ELAVL4: variants seen among roughly 807,000 people sequenced by gnomAD.
ELAVL4 encodes ELAV like RNA binding protein 4, also known as ELAV-like protein 4.
In ELAVL4, 1 loss-of-function variant was observed where a neutral mutation model predicts 35.6. That is an observed-to-expected ratio of 0.03 (90% CI 0.01 to 0.13). The LOEUF (loss-of-function observed/expected upper bound fraction) is 0.13, where lower values mean the gene tolerates loss of function less well. Among genes scored for constraint, ELAVL4 ranks in the 10% least tolerant of loss-of-function variants. ELAVL4 has a pLI of 1.00. For synonymous variants in ELAVL4, 156 were observed against 171.0 expected (o/e 0.91, Z 0.69); for missense variants, 267 against 464.9 (o/e 0.57, Z 3.91).
intron 1 of ELAVL4, among the ~76,000 whole-genome samples, chr1:50,128,221 C>G (rs1420872014): frequency 6.6e-6 from 1 of 151,970 alleles, no homozygotes; most frequent in Non-Finnish European, 1.5e-5. Flanking sequence ...AATGGAAGGC[C>G]CTAGGTTTTG....
At chr1:50,067,166 G>T (rs1214016406) in intron 1 of ELAVL4, among the ~76,000 whole-genome samples, 1 of 152,180 alleles carries the variant, frequency 6.6e-6, no homozygotes, top group Non-Finnish European at 1.5e-5. Flanking sequence ...TTGATGGATT[G>T]TAGGAGGTGG....
At chr1:50,140,374 A>G (rs1031752863) in intron 1 of ELAVL4, among the ~76,000 whole-genome samples, 12 of 152,218 alleles carry the variant, frequency 7.9e-5, no homozygotes, top group African/African-American at 2.9e-4. Flanking sequence ...GCTTTCTACC[A>G]ACACACATCT....
chr1:50,127,804 C>T (rs1670196459), intron 1 of ELAVL4, among the ~76,000 whole-genome samples: 1 of 152,132 alleles, frequency 6.6e-6, no homozygotes, highest in African/African-American at 2.4e-5. Flanking sequence ...CCTGGGCAGT[C>T]AAGCTCTAGT....
At chr1:50,155,934 CGA>C (rs765509223) in intron 2 of ELAVL4, among the ~76,000 whole-genome samples, 1 of 152,098 alleles carries the variant, frequency 6.6e-6, no homozygotes, top group Admixed American at 6.5e-5. Context: ...CCTCTAAGTA[CGA>C]GAGAGAGACA....
exon 1 of ELAVL4, chr1:50,048,165 A>C: frequency 6.6e-7 from 1 of 1,522,380 alleles, no homozygotes; most frequent in Non-Finnish European, 8.8e-7. Context: ...GGCGGGGAAG[A>C]TGCGCCTCAA....
intron 2 of ELAVL4, chr1:50,175,387 T>TACACACACACAC (rs68082703): frequency 7.0e-6 from 1 of 142,996 alleles, no homozygotes; most frequent in African/African-American, 2.7e-5. Context: ...CCACCACACG[T>TACACACACACAC]ACACACACAC....
intron 2 of ELAVL4, among the ~76,000 whole-genome samples, chr1:50,166,886 T>C (rs549854720): frequency 6.6e-6 from 1 of 152,324 alleles, no homozygotes; most frequent in Non-Finnish European, 1.5e-5. Context: ...GGCAGCAATC[T>C]TAACTTCTAG....
intron 1 of ELAVL4, among the ~76,000 whole-genome samples, chr1:50,094,607 A>C (rs1665635917): frequency 6.6e-6 from 1 of 152,086 alleles, no homozygotes; most frequent in South Asian, 2.1e-4. Context: ...TCATGTTTCT[A>C]TAAGTAAAGA....
At chr1:50,054,343 A>C (rs1350111752) in intron 1 of ELAVL4, among the ~76,000 whole-genome samples, 1 of 152,154 alleles carries the variant, frequency 6.6e-6, no homozygotes, top group Non-Finnish European at 1.5e-5. Flanking sequence ...GTAGATGCTG[A>C]TGTGTAGGTG....
At chr1:50,137,067 G>A (rs969646992) in intron 1 of ELAVL4, among the ~76,000 whole-genome samples, 1 of 152,160 alleles carries the variant, frequency 6.6e-6, no homozygotes, top group Non-Finnish European at 1.5e-5. Flanking sequence ...AAGTGGAGGG[G>A]ATAGGGTAAG....
chr1:50,188,077 A>C (rs938208187), intron 3 of ELAVL4, among the ~76,000 whole-genome samples: 1 of 152,174 alleles, frequency 6.6e-6, no homozygotes, highest in Admixed American at 6.5e-5. Flanking sequence ...CCTGGGCAAC[A>C]GAGTAAGACT....
At chr1:50,168,113 G>A (rs908926796) in intron 2 of ELAVL4, among the ~76,000 whole-genome samples, 6 of 152,128 alleles carry the variant, frequency 3.9e-5, no homozygotes, top group Admixed American at 2.0e-4. Flanking sequence ...CTCCACTTTC[G>A]GGTGGTGCCT....
At chr1:50,121,386 T>C (rs1289774808) in intron 1 of ELAVL4, among the ~76,000 whole-genome samples, 3 of 151,968 alleles carry the variant, frequency 2.0e-5, no homozygotes, top group African/African-American at 7.2e-5. Context: ...GTTTATTGGG[T>C]CTCGACCGGC....
Position 50,187,460 on chromosome 1 carries a change from A to G in ELAVL4, c.355-6305A>G, listed in dbSNP as rs149203281. 5.5e-3 allele frequency among the ~76,000 whole-genome samples: 844 copies of G among 152,286 alleles called. 3 individuals carry two copies. Among genetic ancestry groups the G allele is most frequent in the African/African-American group, 0.018 (743 of 41,544 alleles). On this transcript the variant is annotated intron_variant, in intron 3 of 6. Coordinates refer to ENST00000371824, the MANE Select transcript of ELAVL4 (RefSeq NM_001144774.3). ...ATGTATTCAAGTGATGCAGCTCAGA[A>G]AGGTTAAGTGACTCACCCCATAGTC... is the stretch of plus-strand genomic sequence containing the variant.
At chr1:50,154,509 T>A (rs1675370742) in intron 2 of ELAVL4, among the ~76,000 whole-genome samples, 1 of 152,210 alleles carries the variant, frequency 6.6e-6, no homozygotes, top group East Asian at 1.9e-4. Flanking sequence ...GTAATAACTC[T>A]AATTCCTATG....
At chr1:50,184,398 C>A (rs77750380) in intron 3 of ELAVL4, among the ~76,000 whole-genome samples, 100 of 141,826 alleles carry the variant, frequency 7.1e-4, no homozygotes, top group South Asian at 9.2e-4. Flanking sequence ...TGAGCTGCTT[C>A]AAAAAAAAAA....
intron 1 of ELAVL4, among the ~76,000 whole-genome samples, chr1:50,120,854 G>T (rs1668906593): frequency 6.6e-6 from 1 of 152,000 alleles, no homozygotes; most frequent in African/African-American, 2.4e-5. Context: ...GGTCTCCAGT[G>T]CTCATTTTGT....
chr1:50,188,379 C>T (rs949842569), intron 3 of ELAVL4, among the ~76,000 whole-genome samples: 3 of 152,162 alleles, frequency 2.0e-5, no homozygotes, highest in Admixed American at 6.5e-5. Context: ...AACAGAATGC[C>T]TGGCTCATGA....
At chr1:50,141,224 CT>C (rs1672761889) in intron 1 of ELAVL4, among the ~76,000 whole-genome samples, 1 of 152,174 alleles carries the variant, frequency 6.6e-6, no homozygotes, top group African/African-American at 2.4e-5. Context: ...CTTCCACATA[CT>C]CCATCACTAG....
Sources: gnomAD v4.1 joint callset for allele counts (sites outside exome capture counted in the v4.1 genomes callset) on GRCh38, gnomAD v4.1.1 for gene constraint, MANE v1.5 for transcripts, NCBI Gene and HGNC (gene_info 2026-07-23, HGNC 2026-07-21) for gene names.